The following BRWD3 variants were observed in gnomAD, a reference collection of about 807,000 sequenced individuals.
BRWD3 encodes bromodomain and WD repeat-containing protein 3.
Under a neutral mutation model 149.7 loss-of-function variants are expected in BRWD3, and 10 were observed. That is an observed-to-expected ratio of 0.07 (90% CI 0.04 to 0.11). BRWD3 has a LOEUF of 0.11. BRWD3 is among the 10% of genes least tolerant of loss of function. BRWD3 has a pLI of 1.00. For synonymous variants in BRWD3, 504 were observed against 456.7 expected (o/e 1.10, Z -1.32); for missense variants, 940 against 1,373.2 (o/e 0.68, Z 4.99).
intron 6 of BRWD3, among the ~76,000 whole-genome samples, chrX:80,753,812 G>A (rs1456878998): frequency 1.8e-5 from 2 of 111,423 alleles, no homozygotes; most frequent in Non-Finnish European, 3.8e-5. Flanking sequence ...TGTCAGCTTT[G>A]TCAAAGATCA....
chrX:80,687,921 C>T, intron 34 of BRWD3, 148 bp downstream of exon 34: 3 of 499,103 alleles, frequency 6.0e-6, no homozygotes, highest in Admixed American at 3.0e-5. Flanking sequence ...TACTGCATCA[C>T]TCTAATAAAT....
Position 80,700,025 on chromosome X carries a change from C to A in BRWD3, c.2875G>T (p.Ala959Ser), listed in dbSNP as rs765678963. 1 of 1,209,864 alleles carries A rather than the reference C, an allele frequency of 8.3e-7. No homozygotes were observed. Among genetic ancestry groups the A allele is most frequent in the East Asian group, 3.0e-5 (1 of 33,733 alleles). The change falls in exon 25 of 41, where the codon GCT becomes TCT. Residue 959 changes from alanine to serine, a missense_variant. Around this residue, in one of 6 missense-constraint regions of BRWD3, gnomAD observed 158 missense variants for 284.0 expected, o/e 0.56. Transcript: ENST00000373275. ...FRQGHEAYVR[A>S]VRKSKIYSVN... ...CTGTATATTTTCGATTTCCTTACAGCCCGAACATAAGCTTCATGTCCTTGC... is the reference window on the plus strand; with the variant it reads ...CTGTATATTTTCGATTTCCTTACAGACCGAACATAAGCTTCATGTCCTTGC...
chrX:80,754,195 G>A (rs2073708471), intron 6 of BRWD3, among the ~76,000 whole-genome samples: 1 of 111,897 alleles, frequency 8.9e-6, no homozygotes, highest in African/African-American at 3.2e-5. Flanking sequence ...AATTTCCTAA[G>A]TGTTCTGTAG....
intron 4 of BRWD3, among the ~76,000 whole-genome samples, chrX:80,795,035 G>T (rs977741984): frequency 9.0e-6 from 1 of 110,909 alleles, no homozygotes; most frequent in African/African-American, 3.3e-5. Context: ...AAATAACTCA[G>T]CTATGTAGCC....
intron 20 of BRWD3, among the ~76,000 whole-genome samples, chrX:80,713,495 T>G (rs749415832): frequency 1.8e-4 from 20 of 109,885 alleles, no homozygotes; most frequent in African/African-American, 6.3e-4. Context: ...GAAGGCAGCA[T>G]GCTCCTTAAG....
rs2072334211 is a variant in BRWD3 at position 80,672,869 on chromosome X, G to C, written c.*3740C>G. 6 of 111,977 alleles carry C rather than the reference G, an allele frequency of 5.4e-5. No individual in the cohort carries two copies. The South Asian group carries it at 2.2e-3, about 41-fold the overall frequency. 9.2% of individuals were successfully genotyped at this position (111,977 alleles called of 1,213,427 possible). A position where few individuals can be genotyped will look rare whatever the true frequency, so the allele number is the denominator to read the frequency against. ...ATATGATGCAAGTCTCCCTTTTATG[G>C]ATGTGAAAATTCCAACTTGAAGATA... On this transcript the variant is annotated 3_prime_UTR_variant, in exon 41 of 41. Coordinates refer to ENST00000373275, the MANE Select transcript of BRWD3 (RefSeq NM_153252.5).
In BRWD3 at chrX:80,674,700, C is replaced by G. The variant is rs760765464; in HGVS notation, c.*1909G>C. ...TGGTTTAGTGAAAAAAAGACTACAACAAAAAAATAGCTTGGTCTGCTGTCT... is the reference window on the plus strand; with the variant it reads ...TGGTTTAGTGAAAAAAAGACTACAAGAAAAAAATAGCTTGGTCTGCTGTCT... On this transcript the variant is annotated 3_prime_UTR_variant, in exon 41 of 41. Coordinates refer to ENST00000373275, the MANE Select transcript of BRWD3 (RefSeq NM_153252.5). The G allele has an allele frequency of 6.3e-5, 7 of 111,489 alleles. No individual in the cohort carries two copies. The highest frequency in any genetic ancestry group is 1.6e-4 in the African/African-American group (5 of 30,836). 9.2% of individuals were successfully genotyped at this position (111,489 alleles called of 1,213,427 possible). A position where few individuals can be genotyped will look rare whatever the true frequency, so the allele number is the denominator to read the frequency against.
chrX:80,733,447 C>A lies in BRWD3; in HGVS notation c.1127+9G>T. On this transcript the variant is annotated intron_variant, in intron 12 of 40. Coordinates refer to ENST00000373275, the MANE Select transcript of BRWD3 (RefSeq NM_153252.5). ...CATTTGTTTACACAAATATGTATTACATAATTACCTGTCTCCATTGTTACA... is the reference window on the plus strand; with the variant it reads ...CATTTGTTTACACAAATATGTATTAAATAATTACCTGTCTCCATTGTTACA... 8.5e-7 allele frequency: 1 copy of A among 1,183,077 alleles called. No homozygotes were observed. Among genetic ancestry groups the A allele is most frequent in the Non-Finnish European group, 1.1e-6 (1 of 871,458 alleles).
chrX:80,691,593 T>G (rs1487460262), intron 30 of BRWD3, among the ~76,000 whole-genome samples: 1 of 111,888 alleles, frequency 8.9e-6, no homozygotes, highest in African/African-American at 3.2e-5. Flanking sequence ...AAAAGACACT[T>G]ACACAGTTAC....
chrX:80,684,125 C>T lies in BRWD3; in HGVS notation c.4118G>A (p.Ser1373Asn). ...QDVIDTPVDF[S>N]TVKETLEAGN... ...TGCTTCCAAAGTTTCTTTCACAGTG[C>T]TGAAGTCCACAGGAGTATCTATAAC... Residue 1373 changes from serine (S) to asparagine (N), a missense_variant, in exon 37 of 41, where the codon AGC (serine) becomes AAC (asparagine). Physicochemically the swap from Ser to Asn is conservative, Grantham distance 46. This residue lies in a region of BRWD3 where 349 missense variants were observed against 419.6 expected (regional missense o/e 0.83). Transcript: ENST00000373275. The T allele has an allele frequency of 8.3e-7, 1 of 1,204,605 alleles. No homozygotes were observed. Among genetic ancestry groups the T allele is most frequent in the Non-Finnish European group, 1.1e-6 (1 of 889,480 alleles).
intron 16 of BRWD3, among the ~76,000 whole-genome samples, 175 bp downstream of exon 16, chrX:80,723,573 C>G: frequency 9.1e-6 from 1 of 109,620 alleles, no homozygotes; most frequent in Non-Finnish European, 1.9e-5. Context: ...CACAGCCAAA[C>G]CTAAGGTTCT....
chrX:80,789,385 C>A lies in BRWD3; in HGVS notation c.430+2469G>T, dbSNP rs1415471095. On this transcript the variant is annotated intron_variant, in intron 6 of 40. Transcript: ENST00000373275. ...GTTTCCATGCTTAAATTTTTTTTTTCTTTTTTTTGAGACGGAGTCTCGCTC... is the reference window on the plus strand; with the variant it reads ...GTTTCCATGCTTAAATTTTTTTTTTATTTTTTTTGAGACGGAGTCTCGCTC... Among the ~76,000 whole-genome samples, 4 of 108,847 alleles carry A rather than the reference C, an allele frequency of 3.7e-5. No homozygotes were observed. The Middle Eastern group carries it at 0.014, about 394-fold the overall frequency. 94.5% of individuals were successfully genotyped at this position (108,847 alleles called of 115,157 possible). A position where few individuals can be genotyped will look rare whatever the true frequency, so the allele number is the denominator to read the frequency against.
chrX:80,798,962 C>CT (rs1404344266), intron 4 of BRWD3, among the ~76,000 whole-genome samples: 2 of 111,962 alleles, frequency 1.8e-5, no homozygotes, highest in African/African-American at 3.2e-5. Context: ...ATACAGGAAT[C>CT]TGGGTTTCTC....
chrX:80,729,033 C>A, intron 13 of BRWD3, 128 bp from the exon 14 acceptor site: 1 of 552,199 alleles, frequency 1.8e-6, no homozygotes, highest in South Asian at 2.9e-5. Context: ...CTAAACTATA[C>A]CGTTAAGTAT....
chrX:80,730,041 T>C (rs1321850848), intron 12 of BRWD3, 21 bp from the exon 13 acceptor site: 18 of 1,067,615 alleles, frequency 1.7e-5, no homozygotes, highest in Non-Finnish European at 2.3e-5. Flanking sequence ...TTAAAATAAC[T>C]TTATTAATTT....
chrX:80,742,413 G>GAAC (rs1311518310), intron 8 of BRWD3, among the ~76,000 whole-genome samples: 8 of 61,728 alleles, frequency 1.3e-4, no homozygotes, highest in East Asian at 5.5e-4. Flanking sequence ...TGGTTCTGTA[G>GAAC]TTTTTTCCAA....
At chrX:80,735,728 C>T (rs1448116049) in intron 9 of BRWD3, among the ~76,000 whole-genome samples, 6 of 104,246 alleles carry the variant, frequency 5.8e-5, no homozygotes, top group Non-Finnish European at 1.2e-4. Flanking sequence ...GGCATGAACC[C>T]GGAAGGCGGA....
intron 6 of BRWD3, among the ~76,000 whole-genome samples, chrX:80,748,957 A>G (rs1157099480): frequency 9.0e-6 from 1 of 110,646 alleles, no homozygotes; most frequent in Non-Finnish European, 1.9e-5. Context: ...TTATTCTTTG[A>G]CTCATGGTTT....
chrX:80,713,024 G>C (rs1175690678), intron 20 of BRWD3, among the ~76,000 whole-genome samples: 1 of 109,382 alleles, frequency 9.1e-6, no homozygotes, highest in African/African-American at 3.4e-5. Context: ...AGGTGGGGGG[G>C]CCAGCCCCCC....
Sources: gnomAD v4.1 joint callset for allele counts (sites outside exome capture counted in the v4.1 genomes callset) on GRCh38, gnomAD v4.1.1 for gene constraint, gnomAD v4.1.1 regional missense constraint, MANE v1.5 for transcripts, NCBI Gene and HGNC (gene_info 2026-07-23, HGNC 2026-07-21) for gene names.